The following GALK2 variants were observed in gnomAD, a reference collection of about 807,000 sequenced individuals.
The protein encoded by GALK2 is N-acetylgalactosamine kinase.
GALK2 carries 36 observed loss-of-function variants against 52.4 expected under a neutral mutation model. The ratio of observed to expected loss-of-function variants is 0.69; its 90% CI spans 0.53 to 0.91. GALK2 has a LOEUF of 0.91. Ranked by LOEUF, GALK2 falls within the 40% of genes least tolerant of loss-of-function variation. The probability of loss-of-function intolerance (pLI) is 0.00; values close to 1 mark genes in which losing one functional copy is unlikely to be tolerated. For missense variants in GALK2, 579 were observed against 559.1 expected, an observed-to-expected ratio of 1.04 and a Z score of -0.36; for synonymous variants, 176 against 199.1, an observed-to-expected ratio of 0.88 and a Z score of 0.98.
intron 3 of GALK2, 177 bp from the exon 4 acceptor site, chr15:49,235,674 A>G (rs529831460): frequency 1.4e-6 from 1 of 737,370 alleles, no homozygotes; most frequent in Non-Finnish European, 2.5e-6. Context: ...GGCCACTGCA[A>G]CTTCCTCTCT....
intron 3 of GALK2, chr15:49,366,638 C>T (rs2045241762): frequency 6.3e-7 from 1 of 1,578,328 alleles, no homozygotes; most frequent in Non-Finnish European, 8.7e-7. Flanking sequence ...CAGGAAGCCC[C>T]AGAGCAGGGC....
chr15:49,312,573 C>T (rs1021537523), intron 8 of GALK2, among the ~76,000 whole-genome samples: 7 of 152,206 alleles, frequency 4.6e-5, no homozygotes, highest in South Asian at 2.1e-4. Context: ...AGCTTAGAGA[C>T]AGCCTATCAA....
Position 49,237,342 on chromosome 15 carries a change from A to C in GALK2, c.357+1401A>C, listed in dbSNP as rs147051170. The stretch of plus-strand genomic sequence containing the variant: ...TCAGAGAATAATTCACTTATATTAC[A>C]TTGAACATGTTATCCTTTTGGCATA... On this transcript the variant is annotated intron_variant, in intron 4 of 9. Coordinates refer to ENST00000560031, the MANE Select transcript of GALK2 (RefSeq NM_002044.4). Among the ~76,000 whole-genome samples the C allele has an allele frequency of 4.6e-3, 700 of 152,340 alleles. 11 individuals carry two copies. Among genetic ancestry groups the C allele is most frequent in the African/African-American group, 0.016 (674 of 41,568 alleles).
intron 4 of GALK2, among the ~76,000 whole-genome samples, chr15:49,237,221 A>G (rs2090856947): frequency 6.6e-6 from 1 of 152,222 alleles, no homozygotes; most frequent in African/African-American, 2.4e-5. Context: ...TTGACAATTT[A>G]TGTGCAAAAG....
At chr15:49,331,920 C>T (rs1459283292), downstream of GALK2, 1 of 868,300 alleles carries the variant, frequency 1.2e-6, no homozygotes. Flanking sequence ...AAATAGCCAA[C>T]ATTTATTAAG....
chr15:49,236,037 A>G (rs1595780166), intron 4 of GALK2, 96 bp downstream of exon 4: 2 of 766,478 alleles, frequency 2.6e-6, no homozygotes, highest in East Asian at 4.9e-5. Context: ...ATCTCCTTAC[A>G]GTACTAACCG....
chr15:49,235,289 C>G (rs944270537), intron 3 of GALK2, among the ~76,000 whole-genome samples: 1 of 152,158 alleles, frequency 6.6e-6, no homozygotes, highest in African/African-American at 2.4e-5. Context: ...TAGCATTTTA[C>G]CATAATAAAG....
At position 49,283,556 on chromosome 15, in the gene GALK2, C is replaced by T. The variant is rs1595954987; in HGVS notation, c.604-10C>T. The T allele has an allele frequency of 6.3e-7, 1 of 1,596,700 alleles. No homozygotes were observed. The highest frequency in any genetic ancestry group is 1.1e-5 in the South Asian group (1 of 88,532). ...AAATTATATTTCTCCTTTCATTTTT[C>T]TTCTAACAGGCCAAGTTGATAGAAT... On this transcript the variant is annotated splice_polypyrimidine_tract_variant and intron_variant, in intron 6 of 9. Transcript: ENST00000560031.
intron 9 of GALK2, among the ~76,000 whole-genome samples, chr15:49,326,771 T>G (rs1368178884): frequency 6.6e-6 from 1 of 152,134 alleles, no homozygotes; most frequent in Non-Finnish European, 1.5e-5. Context: ...ATACCTATGT[T>G]CATTTGAAAA....
At chr15:49,295,346 TAG>T (rs1555427367) in intron 8 of GALK2, among the ~76,000 whole-genome samples, 17 of 143,120 alleles carry the variant, frequency 1.2e-4, no homozygotes, top group South Asian at 4.5e-4. Flanking sequence ...TATATATATA[TAG>T]ATAGATAGAT....
intron 5 of GALK2, among the ~76,000 whole-genome samples, chr15:49,249,171 A>G (rs2091484051): frequency 6.6e-6 from 1 of 152,230 alleles, no homozygotes; most frequent in Non-Finnish European, 1.5e-5. Flanking sequence ...AAAGATGAAA[A>G]TACAAGGATA....
At chr15:49,260,697 T>C (rs1186083959) in intron 5 of GALK2, among the ~76,000 whole-genome samples, 2 of 151,556 alleles carry the variant, frequency 1.3e-5, no homozygotes, top group African/African-American at 4.9e-5. Context: ...TTTATGGTTT[T>C]AGGTCTAACG....
intron 5 of GALK2, among the ~76,000 whole-genome samples, chr15:49,267,522 C>G (rs2092400528): frequency 6.6e-6 from 1 of 152,152 alleles, no homozygotes. Flanking sequence ...GAATACCAAT[C>G]CCTTCAATAA....
chr15:49,351,109 G>T (rs2042180580), intron 3 of GALK2, among the ~76,000 whole-genome samples: 1 of 152,088 alleles, frequency 6.6e-6, no homozygotes, highest in African/African-American at 2.4e-5. Context: ...ACTATCCATT[G>T]TGTAGATCAT....
At chr15:49,267,575 G>A (rs1263222315) in intron 5 of GALK2, among the ~76,000 whole-genome samples, 1 of 152,128 alleles carries the variant, frequency 6.6e-6, no homozygotes, top group African/African-American at 2.4e-5. Context: ...ATCTGTTTGG[G>A]TATGTCTTGG....
intron 5 of GALK2, among the ~76,000 whole-genome samples, chr15:49,259,242 G>C (rs552278094): frequency 6.6e-6 from 1 of 151,312 alleles, no homozygotes; most frequent in East Asian, 1.9e-4. Context: ...CAATGTGCAG[G>C]TTAGTTACAT....
At chr15:49,258,032 C>G (rs1244153563) in intron 5 of GALK2, among the ~76,000 whole-genome samples, 1 of 151,384 alleles carries the variant, frequency 6.6e-6, no homozygotes, top group Non-Finnish European at 1.5e-5. Context: ...ATATTGGACT[C>G]ACAGTCACCT....
intron 5 of GALK2, among the ~76,000 whole-genome samples, chr15:49,263,656 TC>T (rs1215806532): frequency 7.8e-6 from 1 of 128,414 alleles, no homozygotes; most frequent in Non-Finnish European, 1.7e-5. Flanking sequence ...TGCAGTTTCT[TC>T]CTAGTCTCGA....
intron 5 of GALK2, among the ~76,000 whole-genome samples, chr15:49,272,627 T>C (rs1198953109): frequency 6.6e-6 from 1 of 152,226 alleles, no homozygotes; most frequent in Non-Finnish European, 1.5e-5. Flanking sequence ...TTCATGTTAA[T>C]ATTTTAACAG....
Sources: allele counts gnomAD v4.1 joint callset (sites outside exome capture counted in the v4.1 genomes callset), GRCh38; gene constraint gnomAD v4.1.1; transcripts MANE v1.5; gene names NCBI Gene and HGNC (gene_info 2026-07-23, HGNC 2026-07-21).